CELF2: variants seen among roughly 807,000 people sequenced by gnomAD.
The protein encoded by CELF2 is CUG triplet repeat RNA-binding protein 2.
CELF2 carries 8 observed loss-of-function variants against 62.6 expected under a neutral mutation model. The ratio of observed to expected loss-of-function variants is 0.13; its 90% CI spans 0.07 to 0.23. CELF2 has a LOEUF of 0.23. Among genes scored for constraint, CELF2 ranks in the 10% least tolerant of loss-of-function variants. The probability of loss-of-function intolerance (pLI) is 1.00; values close to 1 mark genes in which losing one functional copy is unlikely to be tolerated. For synonymous variants in CELF2, 258 were observed against 250.0 expected, an observed-to-expected ratio of 1.03 and a Z score of -0.30; for missense variants, 333 against 671.0, an observed-to-expected ratio of 0.50 and a Z score of 5.56.
chr10:10,830,851 CTG>C (rs1393516729), intron 1 of CELF2, among the ~76,000 whole-genome samples: 2 of 152,206 alleles, frequency 1.3e-5, no homozygotes, highest in African/African-American at 4.8e-5. Context: ...TATTACAAAA[CTG>C]TGTTTTTATC....
chr10:11,078,971 A>G (rs1002076628), intron 1 of CELF2, among the ~76,000 whole-genome samples: 1 of 152,160 alleles, frequency 6.6e-6, no homozygotes, highest in African/African-American at 2.4e-5. Context: ...TGATTAAATC[A>G]CTTGAGCAGC....
At chr10:10,607,092 C>T in the CELF2 span, among the ~76,000 whole-genome samples, 1 of 152,260 alleles carries the variant, frequency 6.6e-6, no homozygotes, top group East Asian at 1.9e-4. Flanking sequence ...CTATTTAATG[C>T]TAATAGCTGA....
chr10:10,684,489 T>A, the CELF2 span, among the ~76,000 whole-genome samples: 5 of 152,244 alleles, frequency 3.3e-5, no homozygotes, highest in Admixed American at 3.3e-4. Context: ...ACGCCTGTAA[T>A]CCCAGGACTT....
At chr10:10,490,751 T>A in the CELF2 span, among the ~76,000 whole-genome samples, 1 of 152,104 alleles carries the variant, frequency 6.6e-6, no homozygotes, top group Non-Finnish European at 1.5e-5. Flanking sequence ...TCTTTCCCCA[T>A]GTCTAAACCC....
intron 2 of CELF2, among the ~76,000 whole-genome samples, chr10:10,942,961 G>A (rs2047209649): frequency 6.6e-6 from 1 of 152,084 alleles, no homozygotes; most frequent in Non-Finnish European, 1.5e-5. Context: ...TTAAGCCAAG[G>A]GGAAGCTCAG....
chr10:10,587,279 C>T, the CELF2 span, among the ~76,000 whole-genome samples: 3 of 152,202 alleles, frequency 2.0e-5, no homozygotes, highest in Non-Finnish European at 4.4e-5. Context: ...GTCGATAGGA[C>T]ATGCATAATC....
chr10:10,883,318 A>G (rs1374918347), intron 1 of CELF2, among the ~76,000 whole-genome samples: 3 of 152,218 alleles, frequency 2.0e-5, no homozygotes, highest in African/African-American at 7.2e-5. Flanking sequence ...AAAATTCCTT[A>G]CATAAATTGA....
chr10:11,046,594 G>A lies in CELF2; in HGVS notation c.74+28431G>A, dbSNP rs896314354. Among the ~76,000 whole-genome samples the A allele has an allele frequency of 5.7e-4, 87 of 152,090 alleles. No individual in the cohort carries two copies. Among genetic ancestry groups the A allele is most frequent in the African/African-American group, 2.0e-3 (84 of 41,404 alleles). On this transcript the variant is annotated intron_variant, in intron 1 of 12. Transcript: ENST00000633077. This position sits in a 1 kb window ranked among gnomAD's most constrained non-coding sequence, Gnocchi z 4.6. ...ATGGCTTCTGTGGTCCCTGAAGTAC[G>A]AGCTTTTTCATAGACTCCAAGGTTC...
At chr10:11,082,217 A>G (rs762297383) in intron 1 of CELF2, among the ~76,000 whole-genome samples, 14 of 152,160 alleles carry the variant, frequency 9.2e-5, no homozygotes, top group Non-Finnish European at 1.6e-4. Context: ...ACTCCAAGAA[A>G]ACATAGGAAA....
At chr10:11,175,226 T>A (rs2070615551) in intron 2 of CELF2, among the ~76,000 whole-genome samples, 1 of 151,462 alleles carries the variant, frequency 6.6e-6, no homozygotes, top group South Asian at 2.1e-4. Flanking sequence ...GATGGAGGAG[T>A]TCCAAGGGAG....
chr10:10,563,100 A>G, the CELF2 span, among the ~76,000 whole-genome samples: 1 of 152,176 alleles, frequency 6.6e-6, no homozygotes, highest in Non-Finnish European at 1.5e-5. Flanking sequence ...TGAATGCCAT[A>G]GGATCTCTGG....
In CELF2 at chr10:11,012,581, T is replaced by C. The variant is rs965402860; in HGVS notation, c.53+7141T>C. 1.3e-5 allele frequency among the ~76,000 whole-genome samples: 2 copies of C among 152,194 alleles called. No individual in the cohort carries two copies. Among genetic ancestry groups the C allele is most frequent in the African/African-American group, 2.4e-5 (1 of 41,450 alleles). ...CTTCTCCGGGACCGAATGTTACGCC[T>C]GCAACTGTGTCCTCCCAGCTGTTGC... On this transcript the variant is annotated intron_variant, in intron 1 of 12. Coordinates refer to the CELF2 transcript ENST00000416382. The surrounding 1 kb of genome is among the most constrained non-coding windows in gnomAD (Gnocchi z 5.5).
chr10:10,675,607 C>CA, the CELF2 span, among the ~76,000 whole-genome samples: 1 of 151,544 alleles, frequency 6.6e-6, no homozygotes. Flanking sequence ...CATTTTATGT[C>CA]TTTTTTTTAG....
intron 1 of CELF2, among the ~76,000 whole-genome samples, chr10:10,888,019 C>T (rs1039564570): frequency 3.3e-5 from 5 of 152,268 alleles, no homozygotes; most frequent in Non-Finnish European, 7.4e-5. Context: ...GTGATCTGGC[C>T]GCCTTGGCCT....
chr10:11,118,395 G>A (rs1199366258), intron 1 of CELF2, among the ~76,000 whole-genome samples: 1 of 151,984 alleles, frequency 6.6e-6, no homozygotes, highest in Non-Finnish European at 1.5e-5. Context: ...TTGAACTCCT[G>A]GCCTCAAGTG....
chr10:11,119,606 A>G (rs142021838), intron 1 of CELF2, among the ~76,000 whole-genome samples: 2,036 of 152,344 alleles, frequency 0.013, 57 homozygotes, highest in African/African-American at 0.046. Context: ...CAAATTAACT[A>G]TTTTTAATAT....
rs1439849831 is a variant in CELF2 at position 11,334,752 on chromosome 10, C to T, written c.*5699C>T. 1 of 152,148 alleles carries T rather than the reference C, an allele frequency of 6.6e-6. No individual in the cohort carries two copies. Among genetic ancestry groups the T allele is most frequent in the Non-Finnish European group, 1.5e-5 (1 of 68,022 alleles). The allele number at this position is 152,148 out of a possible 1,614,324, so 9.4% of individuals were successfully genotyped here. Reference sequence around the variant, plus strand: ...CCAAACTGCTGCGGGGTTTCCTCTCCACACCCACGAGGCCAAACCCGCATC... The same window carrying T: ...CCAAACTGCTGCGGGGTTTCCTCTCTACACCCACGAGGCCAAACCCGCATC... On this transcript the variant is annotated 3_prime_UTR_variant, in exon 13 of 13. Transcript: ENST00000633077.
the CELF2 span, among the ~76,000 whole-genome samples, chr10:10,545,517 CAGTT>C: frequency 6.6e-6 from 1 of 152,220 alleles, no homozygotes; most frequent in Non-Finnish European, 1.5e-5. Flanking sequence ...CATTAACAGT[CAGTT>C]AATTACCTAC....
chr10:10,606,644 C>A, the CELF2 span, among the ~76,000 whole-genome samples: 11 of 152,138 alleles, frequency 7.2e-5, no homozygotes, highest in African/African-American at 2.7e-4. Context: ...GTAACATGTT[C>A]TAACCAACTG....
Sources: gnomAD v4.1 joint callset for allele counts (sites outside exome capture counted in the v4.1 genomes callset) on GRCh38, gnomAD v4.1.1 for gene constraint, Gnocchi (gnomAD v3.1) non-coding constraint, MANE v1.5 for transcripts, NCBI Gene and HGNC (gene_info 2026-07-23, HGNC 2026-07-21) for gene names.